The following CCDC134 variants were observed in gnomAD, a reference collection of about 807,000 sequenced individuals.
The protein encoded by CCDC134 is coiled-coil domain-containing protein 134.
CCDC134 carries 27 observed loss-of-function variants against 25.6 expected under a neutral mutation model. The observed-to-expected ratio is 1.05, with a 90% confidence interval of 0.78 to 1.45. The LOEUF (loss-of-function observed/expected upper bound fraction) is 1.45. Ranked by LOEUF, CCDC134 falls within the 40% of genes most tolerant of loss-of-function variation. CCDC134 has a pLI of 0.00. For synonymous variants in CCDC134, 110 were observed against 115.0 expected (o/e 0.96, Z 0.28); for missense variants, 261 against 286.7 (o/e 0.91, Z 0.65).
chr22:41,819,371 G>A (rs1210169779), intron 6 of CCDC134, among the ~76,000 whole-genome samples: 1 of 152,204 alleles, frequency 6.6e-6, no homozygotes, highest in Non-Finnish European at 1.5e-5. Context: ...ATAATTCTCT[G>A]AGGCGAGCCT....
chr22:41,802,974 C>T (rs1432640925), intron 1 of CCDC134, among the ~76,000 whole-genome samples: 2 of 151,632 alleles, frequency 1.3e-5, no homozygotes, highest in African/African-American at 4.8e-5. Flanking sequence ...ATTAGCCGGG[C>T]GTGGTGGCAC....
At chr22:41,813,053 T>A (rs976870586) in intron 4 of CCDC134, among the ~76,000 whole-genome samples, 3 of 152,160 alleles carry the variant, frequency 2.0e-5, no homozygotes, top group African/African-American at 7.2e-5. Context: ...CACATCTCCC[T>A]CTAAAAGTGG....
At chr22:41,811,205 C>G (rs1169837228) in intron 4 of CCDC134, among the ~76,000 whole-genome samples, 1 of 152,118 alleles carries the variant, frequency 6.6e-6, no homozygotes, top group Non-Finnish European at 1.5e-5. Context: ...GGGGGACTTG[C>G]TACCATGATG....
intron 1 of CCDC134, among the ~76,000 whole-genome samples, chr22:41,806,703 G>A (rs1333892858): frequency 6.6e-6 from 1 of 152,152 alleles, no homozygotes; most frequent in Non-Finnish European, 1.5e-5. Context: ...CACAGGCAGA[G>A]TGTGTCCAAG....
At position 41,825,800 on chromosome 22, in the gene CCDC134, T is replaced by G. The variant is rs755013549; in HGVS notation, c.667T>G (p.Ser223Ala). The G allele has an allele frequency of 3.1e-6, 5 of 1,614,094 alleles. No individual in the cohort carries two copies. In the South Asian group the frequency reaches 5.5e-5, roughly 18 times the overall value. ...RKEIRKGPRI[S>A]RSQSEL ...GGAGATCCGAAAAGGCCCAAGGATC[T>G]CCAGATCCCAGTCTGAGTTATAGCC... The change falls in exon 7 of 7, where the codon TCC (serine) becomes GCC (alanine). Residue 223 changes from serine to alanine, a missense_variant. Ser to Ala is a moderately conservative substitution (Grantham distance 99, BLOSUM62 1). Transcript: ENST00000255784. The surrounding 1 kb of genome is among the most constrained non-coding windows in gnomAD (Gnocchi z 4.4).
chr22:41,820,153 G>A (rs942843844), intron 6 of CCDC134, among the ~76,000 whole-genome samples: 12 of 146,098 alleles, frequency 8.2e-5, no homozygotes, highest in Admixed American at 4.8e-4. Flanking sequence ...CCACCACCAC[G>A]CCCGGCTAAT....
chr22:41,811,648 C>G (rs56802850), intron 4 of CCDC134, among the ~76,000 whole-genome samples: 1 of 152,042 alleles, frequency 6.6e-6, no homozygotes, highest in Non-Finnish European at 1.5e-5. Flanking sequence ...GGGCTGGTCT[C>G]GAACTTTTGA....
chr22:41,802,051 A>G (rs1168856372), intron 1 of CCDC134, among the ~76,000 whole-genome samples: 1 of 152,174 alleles, frequency 6.6e-6, no homozygotes, highest in Non-Finnish European at 1.5e-5. Context: ...GTAAGTTTGC[A>G]GTGGCCTTTG....
chr22:41,805,610 G>A (rs1484690976), intron 1 of CCDC134, among the ~76,000 whole-genome samples: 1 of 152,042 alleles, frequency 6.6e-6, no homozygotes, highest in Non-Finnish European at 1.5e-5. Context: ...AACAAGTAAA[G>A]AACCAATAAT....
At chr22:41,808,184 TA>T (rs2076577642) in intron 1 of CCDC134, among the ~76,000 whole-genome samples, 1 of 151,654 alleles carries the variant, frequency 6.6e-6, no homozygotes, top group African/African-American at 2.4e-5. Context: ...TAAATTAAAA[TA>T]AATAAATAAT....
chr22:41,810,135 T>G, intron 3 of CCDC134, 72 bp from the exon 4 acceptor site: 2 of 1,594,912 alleles, frequency 1.3e-6, no homozygotes, highest in Non-Finnish European at 1.7e-6. Flanking sequence ...AAGTGGGGTT[T>G]AAATAAATGG....
rs5758487 is a variant in CCDC134, at chr22:41,830,391, C to T, written c.*4568C>T. Among the ~76,000 whole-genome samples the T allele has an allele frequency of 0.55, 83,223 of 152,004 alleles. 23,054 individuals carry two copies. The highest frequency in any genetic ancestry group is 0.73 in the East Asian group (3,748 of 5,168). On this transcript the variant is annotated 3_prime_UTR_variant, in exon 7 of 7. Transcript: ENST00000255784. ...GCTGTGTGCCACCTCTGGAGGGGGT[C>T]ACTGAGGTTCTGGGTTGTGGGGGGT...
rs1405496258 is a variant in CCDC134, at chr22:41,831,741, TG to T, written c.*5919del. On this transcript the variant is annotated 3_prime_UTR_variant, in exon 7 of 7. Coordinates refer to ENST00000255784, the MANE Select transcript of CCDC134 (RefSeq NM_024821.5). ...TTTCATCACATCCATTACCTTTCCT[TG>T]ATCACTTGTACCATCATCTGTAATT... 6.6e-6 allele frequency: 1 copy of T among 152,232 alleles called. No individual in the cohort carries two copies. The highest frequency in any genetic ancestry group is 1.5e-5 in the Non-Finnish European group (1 of 68,040). 9.4% of individuals were successfully genotyped at this position (152,232 alleles called of 1,614,324 possible).
intron 1 of CCDC134, among the ~76,000 whole-genome samples, chr22:41,807,166 G>A (rs565261691): frequency 3.3e-5 from 5 of 152,164 alleles, no homozygotes; most frequent in Admixed American, 6.6e-5. Context: ...AGAAAAGCCC[G>A]AAGTACAGAA....
chr22:41,813,081 G>A (rs535709074), intron 4 of CCDC134, among the ~76,000 whole-genome samples, 183 bp from the exon 5 acceptor site: 46 of 152,336 alleles, frequency 3.0e-4, no homozygotes, highest in African/African-American at 6.5e-4. Context: ...GACTCAGTGA[G>A]CTGGTGGATG....
chr22:41,812,724 A>T (rs890433120), intron 4 of CCDC134, among the ~76,000 whole-genome samples: 1 of 152,294 alleles, frequency 6.6e-6, no homozygotes, highest in Admixed American at 6.5e-5. Flanking sequence ...AAAGAATATT[A>T]AAAAAGAAAA....
intron 1 of CCDC134, among the ~76,000 whole-genome samples, chr22:41,802,261 C>T (rs141810215): frequency 0.014 from 2,091 of 152,248 alleles, 47 homozygotes; most frequent in African/African-American, 0.047. Flanking sequence ...TTCATATTTC[C>T]CCCTTTTGGT....
rs2076610409 is a variant in CCDC134, at chr22:41,813,907, G to T, written c.564+85G>T. 1.4e-5 allele frequency: 18 copies of T among 1,303,212 alleles called. No individual in the cohort carries two copies. In the South Asian group the frequency reaches 2.0e-4, roughly 15 times the overall value. 80.7% of individuals were successfully genotyped at this position (1,303,212 alleles called of 1,614,324 possible). On this transcript the variant is annotated intron_variant, in intron 6 of 6. Transcript: ENST00000255784. ...AGGCCTGCAGGGGCTGGGGACCTTG[G>T]GTGGCTTTGGACTTGGAGCCAGGCA...
chr22:41,830,406 T>A lies in CCDC134; in HGVS notation c.*4583T>A, dbSNP rs55760438. Among the ~76,000 whole-genome samples the A allele has an allele frequency of 0.11, 16,182 of 152,106 alleles. 1,508 individuals carry two copies. Among genetic ancestry groups the A allele is most frequent in the Admixed American group, 0.31 (4,747 of 15,286 alleles). Reference sequence around the variant, plus strand: ...TGGAGGGGGTCACTGAGGTTCTGGGTTGTGGGGGGTGCCCTGGGCCAGAGT... The same window carrying A: ...TGGAGGGGGTCACTGAGGTTCTGGGATGTGGGGGGTGCCCTGGGCCAGAGT... On this transcript the variant is annotated 3_prime_UTR_variant, in exon 7 of 7. Coordinates refer to ENST00000255784, the MANE Select transcript of CCDC134 (RefSeq NM_024821.5).
Sources: allele counts gnomAD v4.1 joint callset (sites outside exome capture counted in the v4.1 genomes callset), GRCh38; gene constraint gnomAD v4.1.1; non-coding constraint Gnocchi (gnomAD v3.1); transcripts MANE v1.5; gene names NCBI Gene and HGNC (gene_info 2026-07-23, HGNC 2026-07-21).